The following LHFPL3 variants were observed in gnomAD, a reference collection of about 807,000 sequenced individuals.
LHFPL3 encodes the protein LHFPL tetraspan subfamily member 3 protein.
Under a neutral mutation model 19.3 loss-of-function variants are expected in LHFPL3, and 5 were observed. That is an observed-to-expected ratio of 0.26 (90% CI 0.14 to 0.54). The LOEUF is 0.54. Ranked by LOEUF, LHFPL3 falls within the 20% of genes least tolerant of loss-of-function variation. The pLI, the probability that LHFPL3 is intolerant of heterozygous loss-of-function variation, is 0.94. For missense variants in LHFPL3, 249 were observed against 307.4 expected, an observed-to-expected ratio of 0.81 and a Z score of 1.42; for synonymous variants, 133 against 126.2, an observed-to-expected ratio of 1.05 and a Z score of -0.36.
chr7:104,520,128 C>T (rs952225812), intron 1 of LHFPL3, among the ~76,000 whole-genome samples: 1 of 152,028 alleles, frequency 6.6e-6, no homozygotes, highest in African/African-American at 2.4e-5. Context: ...CCCATCAATA[C>T]CTAATTTATT....
At chr7:104,422,253 TG>T (rs1188204661) in intron 1 of LHFPL3, among the ~76,000 whole-genome samples, 4 of 152,108 alleles carry the variant, frequency 2.6e-5, no homozygotes, top group East Asian at 3.9e-4. Flanking sequence ...CCCAGCTATT[TG>T]CGAGGCTGAG....
intron 2 of LHFPL3, among the ~76,000 whole-genome samples, chr7:104,780,963 C>A (rs1794707461): frequency 6.6e-6 from 1 of 152,196 alleles, no homozygotes. Context: ...AGTGTGCCCT[C>A]ACTTCAACCC....
intron 1 of LHFPL3, among the ~76,000 whole-genome samples, chr7:104,642,241 T>C (rs1299848631): frequency 6.6e-6 from 1 of 152,048 alleles, no homozygotes; most frequent in Non-Finnish European, 1.5e-5. Context: ...TTTCAGCATC[T>C]TGGCCAGACT....
At chr7:104,499,854 A>G (rs1354008032) in intron 1 of LHFPL3, among the ~76,000 whole-genome samples, 1 of 152,198 alleles carries the variant, frequency 6.6e-6, no homozygotes, top group African/African-American at 2.4e-5. Context: ...CATTTATTTC[A>G]GTTGTGCTTT....
At chr7:104,760,531 T>G (rs1794354375) in intron 2 of LHFPL3, among the ~76,000 whole-genome samples, 1 of 152,190 alleles carries the variant, frequency 6.6e-6, no homozygotes, top group Admixed American at 6.5e-5. Context: ...TACACACACT[T>G]TGAAGTCATC....
intron 1 of LHFPL3, among the ~76,000 whole-genome samples, chr7:104,683,804 G>A (rs900638703): frequency 1.3e-5 from 2 of 152,120 alleles, no homozygotes; most frequent in African/African-American, 4.8e-5. Context: ...GGTCAGAATT[G>A]ACATTTGTAC....
intron 2 of LHFPL3, among the ~76,000 whole-genome samples, chr7:104,892,245 C>G (rs985564187): frequency 6.6e-6 from 1 of 152,078 alleles, no homozygotes; most frequent in Non-Finnish European, 1.5e-5. Context: ...AAATACAAAC[C>G]CACAATAACA....
intron 1 of LHFPL3, among the ~76,000 whole-genome samples, chr7:104,648,317 T>C (rs896110469): frequency 5.9e-5 from 9 of 152,214 alleles, no homozygotes; most frequent in Admixed American, 5.2e-4. Context: ...TTCTAGATAC[T>C]GCCTCTCTGA....
chr7:104,587,420 T>C (rs1002361818), intron 1 of LHFPL3, among the ~76,000 whole-genome samples: 4 of 152,216 alleles, frequency 2.6e-5, no homozygotes, highest in Non-Finnish European at 4.4e-5. Flanking sequence ...GTTTCCAGCT[T>C]CATCCATGTC....
At chr7:104,701,935 C>T (rs1175065458) in intron 1 of LHFPL3, among the ~76,000 whole-genome samples, 1 of 152,096 alleles carries the variant, frequency 6.6e-6, no homozygotes, top group Admixed American at 6.5e-5. Context: ...CATAGGTATA[C>T]ATGTGCCATG....
At chr7:104,389,435 T>C (rs1217679224) in intron 1 of LHFPL3, among the ~76,000 whole-genome samples, 3 of 152,154 alleles carry the variant, frequency 2.0e-5, no homozygotes, top group Non-Finnish European at 4.4e-5. Flanking sequence ...AAGATGGCAA[T>C]GCTTCCTTAA....
chr7:104,689,337 C>T (rs1304488588), intron 1 of LHFPL3, among the ~76,000 whole-genome samples: 1 of 152,148 alleles, frequency 6.6e-6, no homozygotes, highest in Non-Finnish European at 1.5e-5. Flanking sequence ...AGTCTGACTC[C>T]TGTAGAGCTC....
chr7:104,539,779 T>A (rs1562929211), intron 1 of LHFPL3, among the ~76,000 whole-genome samples: 2 of 152,260 alleles, frequency 1.3e-5, no homozygotes, highest in African/African-American at 4.8e-5. Context: ...TATGCTCTTT[T>A]CCACTTTTTT....
chr7:104,705,057 A>G lies in LHFPL3; in HGVS notation c.446-31618A>G, dbSNP rs1219323405. ...AATCACATTTCTTTTCCTTTAATCT[A>G]TTTTGTTGTTGTCATTGTCATTTTC... On this transcript the variant is annotated intron_variant, in intron 1 of 2. Transcript: ENST00000424859. 5.3e-5 allele frequency among the ~76,000 whole-genome samples: 8 copies of G among 152,114 alleles called. No individual in the cohort carries two copies. In the East Asian group the frequency reaches 9.6e-4, roughly 18 times the overall value.
intron 1 of LHFPL3, among the ~76,000 whole-genome samples, chr7:104,339,028 G>A (rs183047065): frequency 4.6e-5 from 7 of 152,134 alleles, no homozygotes; most frequent in Admixed American, 2.6e-4. Flanking sequence ...CGGGTGGATC[G>A]CCTGAGGTCA....
At chr7:104,537,363 G>A (rs193165975) in intron 1 of LHFPL3, among the ~76,000 whole-genome samples, 1 of 152,136 alleles carries the variant, frequency 6.6e-6, no homozygotes, top group African/African-American at 2.4e-5. Flanking sequence ...GAGATTATCA[G>A]TAGAATATTT....
chr7:104,543,094 G>A (rs1201352702), intron 1 of LHFPL3, among the ~76,000 whole-genome samples: 1 of 152,142 alleles, frequency 6.6e-6, no homozygotes, highest in Non-Finnish European at 1.5e-5. Context: ...TTAAGTGTGA[G>A]TTGAACAATG....
At chr7:104,419,695 C>T (rs1187262304) in intron 1 of LHFPL3, among the ~76,000 whole-genome samples, 1 of 152,080 alleles carries the variant, frequency 6.6e-6, no homozygotes, top group Non-Finnish European at 1.5e-5. Context: ...AGCCAAAGTT[C>T]CAGACTTGGG....
chr7:104,637,034 C>T (rs923373644), intron 1 of LHFPL3, among the ~76,000 whole-genome samples: 1 of 152,168 alleles, frequency 6.6e-6, no homozygotes, highest in African/African-American at 2.4e-5. Context: ...TCTTCACAAC[C>T]TCGCTAGCAT....
Sources: allele counts gnomAD v4.1 joint callset (sites outside exome capture counted in the v4.1 genomes callset), GRCh38; gene constraint gnomAD v4.1.1; transcripts MANE v1.5; gene names NCBI Gene and HGNC (gene_info 2026-07-23, HGNC 2026-07-21).